PTPRC: variants seen among roughly 807,000 people sequenced by gnomAD.
PTPRC encodes receptor-type tyrosine-protein phosphatase C.
In PTPRC, 44 loss-of-function variants were observed where a neutral mutation model predicts 155.9. That is an observed-to-expected ratio of 0.28 (90% confidence interval 0.22 to 0.36). The LOEUF is 0.36. Ranked by LOEUF, PTPRC falls within the 10% of genes least tolerant of loss-of-function variation. The probability of loss-of-function intolerance (pLI) is 1.00; values close to 1 mark genes in which losing one functional copy is unlikely to be tolerated. For synonymous variants in PTPRC, 525 were observed against 533.1 expected (o/e 0.98, Z 0.21); for missense variants, 1,401 against 1,564.6 (o/e 0.90, Z 1.76).
Position 198,734,388 on chromosome 1 carries a change from T to G in PTPRC, c.2240T>G (p.Val747Gly). 2 of 1,611,206 alleles carry G rather than the reference T, an allele frequency of 1.2e-6. No homozygotes were observed. Among genetic ancestry groups the G allele is most frequent in the Non-Finnish European group, 1.7e-6 (2 of 1,177,938 alleles). ...ATGATTTGGGAACAGAAAGCCACAG[T>G]TATTGTCATGGTCACTCGATGTGAA... Reference protein sequence around the residue: ...WRMIWEQKATVIVMVTRCEEG... With the variant: ...WRMIWEQKATGIVMVTRCEEG... The change falls in exon 22 of 33, where the codon GTT (valine) becomes GGT (glycine). Residue 747 changes from valine to glycine, a missense_variant. Physicochemically the swap from Val to Gly is moderately radical, Grantham distance 109. Around this residue, in one of 3 missense-constraint regions of PTPRC, gnomAD observed 867 missense variants for 970.4 expected, o/e 0.89. Coordinates refer to ENST00000442510, the MANE Select transcript of PTPRC (RefSeq NM_002838.5).
intron 13 of PTPRC, among the ~76,000 whole-genome samples, chr1:198,717,459 C>T (rs1378292714): frequency 6.6e-6 from 1 of 152,170 alleles, no homozygotes; most frequent in South Asian, 2.1e-4. Context: ...AGAAGAAATG[C>T]CGTGTTTTAA....
At position 198,734,321 on chromosome 1, in the gene PTPRC, CT is replaced by C; in HGVS notation, c.2180-6del. 6.2e-7 allele frequency: 1 copy of C among 1,610,730 alleles called. No individual in the cohort carries two copies. Among genetic ancestry groups the C allele is most frequent in the Non-Finnish European group, 8.5e-7 (1 of 1,177,734 alleles). The stretch of plus-strand genomic sequence containing the variant: ...TTCTTATCAGCTTTTATTTGTTTAC[CT>C]CCTAGGTCCCAGGGATGAAACTGTT... On this transcript the variant is annotated splice_polypyrimidine_tract_variant and splice_region_variant and intron_variant, in intron 21 of 32. Transcript: ENST00000442510.
chr1:198,691,467 AACC>A (rs1388087376), intron 2 of PTPRC, among the ~76,000 whole-genome samples: 1 of 151,906 alleles, frequency 6.6e-6, no homozygotes, highest in African/African-American at 2.4e-5. Flanking sequence ...CTTTTCCCCC[AACC>A]TTTCTTTTGG....
intron 2 of PTPRC, among the ~76,000 whole-genome samples, chr1:198,642,892 T>TTTTCTTTCTTCC (rs1287327143): frequency 0.021 from 2,540 of 119,062 alleles, 89 homozygotes; most frequent in East Asian, 0.043. Flanking sequence ...ATCTTTTTTC[T>TTTTCTTTCTTCC]TTTCTTTCTT....
At position 198,757,041 on chromosome 1, in the gene PTPRC, TAGA is replaced by T. The variant is rs971639094; in HGVS notation, c.*865_*867del. ...TGTATTAATATTCATTGTATAAAAA[TAGA>T]AGAATACAAACATATTTGTTAAATA... On this transcript the variant is annotated 3_prime_UTR_variant, in exon 33 of 33. Transcript: ENST00000442510. 7 of 151,862 alleles carry T rather than the reference TAGA, an allele frequency of 4.6e-5. No individual in the cohort carries two copies. Among genetic ancestry groups the T allele is most frequent in the African/African-American group, 9.7e-5 (4 of 41,426 alleles). The allele number at this position is 151,862 out of a possible 1,614,324, so 9.4% of individuals were successfully genotyped here.
In PTPRC at chr1:198,702,472, C is replaced by T; in HGVS notation, c.525C>T (p.His175=). 1 of 1,614,216 alleles carries T rather than the reference C, an allele frequency of 6.2e-7. No individual in the cohort carries two copies. The highest frequency in any genetic ancestry group is 8.5e-7 in the Non-Finnish European group (1 of 1,180,034). The stretch of plus-strand genomic sequence containing the variant: ...CAACCACCCTCAGCCTTGCACACCA[C>T]AGCTCTGCTGCCTTACCTGCACGCA... ...PLTTTLSLAH[H]SSAALPARTS... The change falls in exon 6 of 33, where the codon CAC becomes CAT. Residue 175 remains histidine, a synonymous_variant. Transcript: ENST00000442510.
rs1655672433 is a variant in PTPRC at position 198,756,474 on chromosome 1, GAC to G, written c.*295_*296del. ...TGTATGGGTGTGTGTTTGTGTGAGA[GAC>G]AGAGAAAGAGAGAGAATTCTTTCAA... On this transcript the variant is annotated 3_prime_UTR_variant, in exon 33 of 33. Coordinates refer to ENST00000442510, the MANE Select transcript of PTPRC (RefSeq NM_002838.5). The G allele has an allele frequency of 7.5e-6, 2 of 268,420 alleles. No individual in the cohort carries two copies. The highest frequency in any genetic ancestry group is 7.5e-5 in the South Asian group (1 of 13,380). The allele number at this position is 268,420 out of a possible 1,614,324, so 16.6% of individuals were successfully genotyped here. A position where few individuals can be genotyped will look rare whatever the true frequency, so the allele number is the denominator to read the frequency against.
chr1:198,677,372 C>T (rs1486950378), intron 2 of PTPRC, among the ~76,000 whole-genome samples: 1 of 152,130 alleles, frequency 6.6e-6, no homozygotes, highest in East Asian at 1.9e-4. Flanking sequence ...AGATTTCTAG[C>T]ACCCCTCTAC....
chr1:198,742,459 A>G (rs1654947714), intron 25 of PTPRC, 92 bp downstream of exon 25: 9 of 1,475,126 alleles, frequency 6.1e-6, no homozygotes, highest in Admixed American at 1.7e-5. Context: ...TAAAAATCCA[A>G]ATTCTTCACA....
At chr1:198,653,598 A>G (rs1663378658) in intron 2 of PTPRC, among the ~76,000 whole-genome samples, 1 of 151,902 alleles carries the variant, frequency 6.6e-6, no homozygotes, top group Admixed American at 6.6e-5. Context: ...AAGGAAAAGA[A>G]AAAATAATCC....
At chr1:198,670,475 A>G (rs1435961167) in intron 2 of PTPRC, among the ~76,000 whole-genome samples, 2 of 152,172 alleles carry the variant, frequency 1.3e-5, no homozygotes, top group Non-Finnish European at 2.9e-5. Flanking sequence ...AATTTTAAAA[A>G]TTAAATCTTC....
intron 2 of PTPRC, among the ~76,000 whole-genome samples, chr1:198,659,235 CTT>C (rs1313256922): frequency 1.3e-5 from 2 of 152,148 alleles, no homozygotes; most frequent in African/African-American, 4.8e-5. Flanking sequence ...GCCTTGTTCT[CTT>C]GTCTGTCACC....
intron 23 of PTPRC, among the ~76,000 whole-genome samples, chr1:198,736,252 C>A (rs1488649057): frequency 6.6e-6 from 1 of 151,250 alleles, no homozygotes; most frequent in Non-Finnish European, 1.5e-5. Context: ...GAATAGTCAC[C>A]CTGTTGTGCT....
chr1:198,692,744 T>G (rs555938530), intron 3 of PTPRC: 1 of 931,040 alleles, frequency 1.1e-6, no homozygotes, highest in Non-Finnish European at 1.3e-6. Flanking sequence ...TCTATGTATG[T>G]TATAGATATG....
At chr1:198,641,898 A>G (rs1195762478) in intron 2 of PTPRC, among the ~76,000 whole-genome samples, 1 of 152,076 alleles carries the variant, frequency 6.6e-6, no homozygotes, top group Non-Finnish European at 1.5e-5. Context: ...CATGTTATAA[A>G]CATGGACTGT....
intron 14 of PTPRC, among the ~76,000 whole-genome samples, chr1:198,719,101 G>T (rs541534061): frequency 6.6e-6 from 1 of 152,034 alleles, no homozygotes; most frequent in African/African-American, 2.4e-5. Flanking sequence ...TCCTAAAAAT[G>T]CATTTATTGG....
intron 2 of PTPRC, among the ~76,000 whole-genome samples, chr1:198,648,266 A>G (rs1663041372): frequency 6.6e-6 from 1 of 151,778 alleles, no homozygotes; most frequent in Non-Finnish European, 1.5e-5. Context: ...GTTTATGTGG[A>G]GAGAAAAGGG....
At position 198,734,322 on chromosome 1, in the gene PTPRC, T is replaced by C; in HGVS notation, c.2180-6T>C. ...TCTTATCAGCTTTTATTTGTTTACC[T>C]CCTAGGTCCCAGGGATGAAACTGTT... On this transcript the variant is annotated splice_region_variant and splice_polypyrimidine_tract_variant and intron_variant, in intron 21 of 32. Transcript: ENST00000442510. The C allele has an allele frequency of 6.2e-7, 1 of 1,611,156 alleles. No individual in the cohort carries two copies. Among genetic ancestry groups the C allele is most frequent in the Non-Finnish European group, 8.5e-7 (1 of 1,177,880 alleles).
chr1:198,699,756 C>G (rs1219277498), intron 5 of PTPRC, 52 bp downstream of exon 5: 1 of 1,607,470 alleles, frequency 6.2e-7, no homozygotes, highest in African/African-American at 1.3e-5. Flanking sequence ...TGACGACTAC[C>G]TGTATTTAAG....
Sources: gnomAD v4.1 joint callset for allele counts (sites outside exome capture counted in the v4.1 genomes callset) on GRCh38, gnomAD v4.1.1 for gene constraint, gnomAD v4.1.1 regional missense constraint, MANE v1.5 for transcripts, NCBI Gene and HGNC (gene_info 2026-07-23, HGNC 2026-07-21) for gene names.